The following HHAT variants were observed in gnomAD, a reference collection of about 807,000 sequenced individuals.
The protein encoded by HHAT is protein-cysteine N-palmitoyltransferase HHAT.
HHAT carries 47 observed loss-of-function variants against 70.8 expected under a neutral mutation model. The observed-to-expected ratio is 0.66, with a 90% confidence interval of 0.53 to 0.85. The LOEUF is 0.85. HHAT is among the 40% of genes least tolerant of loss of function. HHAT has a pLI of 0.00. For synonymous variants in HHAT, 228 were observed against 247.6 expected, an observed-to-expected ratio of 0.92 and a Z score of 0.74; for missense variants, 609 against 604.8, an observed-to-expected ratio of 1.01 and a Z score of -0.07.
At chr1:210,435,044 C>T (rs12745578) in intron 7 of HHAT, among the ~76,000 whole-genome samples, 16,794 of 151,704 alleles carry the variant, frequency 0.11, 1,121 homozygotes, top group Non-Finnish European at 0.14. Context: ...ACTATAGTTA[C>T]CCTGTTGATC....
At chr1:210,360,601 C>T (rs747487753) in intron 2 of HHAT, among the ~76,000 whole-genome samples, 2 of 152,082 alleles carry the variant, frequency 1.3e-5, no homozygotes, top group African/African-American at 2.4e-5. Context: ...TGAGCTACCG[C>T]GCCTGGCCGA....
chr1:210,458,077 G>A (rs894361205), intron 7 of HHAT, among the ~76,000 whole-genome samples: 41 of 152,308 alleles, frequency 2.7e-4, no homozygotes, highest in Non-Finnish European at 2.2e-4. Flanking sequence ...AAATTTATAT[G>A]TAGAGAAGGT....
intron 11 of HHAT, among the ~76,000 whole-genome samples, chr1:210,667,689 A>G (rs1679207045): frequency 6.6e-6 from 1 of 152,112 alleles, no homozygotes; most frequent in South Asian, 2.1e-4. Context: ...CCCCTGCACA[A>G]CCTGTCGCCG....
chr1:210,371,737 C>T (rs1419422316), intron 3 of HHAT, among the ~76,000 whole-genome samples: 1 of 152,170 alleles, frequency 6.6e-6, no homozygotes, highest in Admixed American at 6.5e-5. Context: ...AAGGCCTAAC[C>T]TCTGTAAACT....
intron 7 of HHAT, among the ~76,000 whole-genome samples, chr1:210,428,404 A>G (rs1430922539): frequency 6.8e-6 from 1 of 146,186 alleles, no homozygotes; most frequent in Non-Finnish European, 1.5e-5. Flanking sequence ...ACATTACTAA[A>G]TTTTCGTTCT....
intron 9 of HHAT, among the ~76,000 whole-genome samples, chr1:210,583,992 G>T (rs1573510492): frequency 8.8e-6 from 1 of 113,356 alleles, no homozygotes; most frequent in Admixed American, 1.3e-4. Context: ...TCACTCTGTT[G>T]CCCAGGCTGG....
chr1:210,507,554 T>G (rs1227170533), intron 8 of HHAT, among the ~76,000 whole-genome samples: 1 of 151,770 alleles, frequency 6.6e-6, no homozygotes. Flanking sequence ...AGAAACAGGG[T>G]TTCATCATTT....
intron 7 of HHAT, among the ~76,000 whole-genome samples, chr1:210,444,582 T>C (rs199579010): frequency 1.6e-4 from 25 of 151,562 alleles, no homozygotes; most frequent in African/African-American, 6.0e-4. Context: ...TGGGAGAGTG[T>C]ATGTGTCCAG....
At chr1:210,402,149 G>A (rs2092106267) in intron 5 of HHAT, among the ~76,000 whole-genome samples, 1 of 152,194 alleles carries the variant, frequency 6.6e-6, no homozygotes, top group African/African-American at 2.4e-5. Context: ...AAGGAGAAAT[G>A]CATGGCAAGA....
At chr1:210,412,882 CA>C (rs1411299632) in intron 6 of HHAT, among the ~76,000 whole-genome samples, 3 of 152,226 alleles carry the variant, frequency 2.0e-5, no homozygotes, top group African/African-American at 7.2e-5. Flanking sequence ...GAGGCAGCCA[CA>C]CCCCCTCACA....
At chr1:210,538,598 T>G (rs778588339) in intron 9 of HHAT, among the ~76,000 whole-genome samples, 4 of 152,152 alleles carry the variant, frequency 2.6e-5, no homozygotes, top group Non-Finnish European at 5.9e-5. Context: ...AATACTCCTA[T>G]GAGGAAGACA....
At chr1:210,476,161 T>A in intron 8 of HHAT, among the ~76,000 whole-genome samples, 1 of 152,266 alleles carries the variant, frequency 6.6e-6, no homozygotes, top group East Asian at 1.9e-4. Context: ...ATCCTTTTTG[T>A]GAGTCCTGAG....
At chr1:210,605,376 T>C (rs976882319) in intron 10 of HHAT, among the ~76,000 whole-genome samples, 23 of 152,322 alleles carry the variant, frequency 1.5e-4, no homozygotes, top group African/African-American at 5.1e-4. Context: ...AAACCCCTCC[T>C]ACTTAGATCA....
chr1:210,571,061 A>C (rs1558185002), intron 9 of HHAT, among the ~76,000 whole-genome samples: 2 of 152,238 alleles, frequency 1.3e-5, no homozygotes. Flanking sequence ...CGTCGAATTG[A>C]AAAAGGGTCT....
At chr1:210,444,597 T>G (rs551188972) in intron 7 of HHAT, among the ~76,000 whole-genome samples, 1 of 151,888 alleles carries the variant, frequency 6.6e-6, no homozygotes, top group East Asian at 2.0e-4. Context: ...GTCCAGGAAT[T>G]TATCCATTTC....
chr1:210,586,502 T>C (rs186069678), intron 9 of HHAT, among the ~76,000 whole-genome samples: 112 of 152,248 alleles, frequency 7.4e-4, no homozygotes, highest in African/African-American at 2.6e-3. Flanking sequence ...TAAAAACAAT[T>C]TTATTTCCTC....
chr1:210,602,004 T>C (rs1159446935), intron 10 of HHAT, among the ~76,000 whole-genome samples: 1 of 149,550 alleles, frequency 6.7e-6, no homozygotes, highest in African/African-American at 2.5e-5. Context: ...CACACACGCA[T>C]GCAAAGAGAA....
chr1:210,429,778 C>T (rs932752129), intron 7 of HHAT, among the ~76,000 whole-genome samples: 4 of 151,792 alleles, frequency 2.6e-5, no homozygotes, highest in Admixed American at 2.0e-4. Context: ...TAGCAAGCAA[C>T]ATGTGAGGTG....
At chr1:210,638,791 G>A (rs998557772) in intron 11 of HHAT, among the ~76,000 whole-genome samples, 2 of 150,922 alleles carry the variant, frequency 1.3e-5, no homozygotes, top group African/African-American at 4.9e-5. Context: ...TGTAGTCCCA[G>A]CTTCTCTGGA....
Sources: gnomAD v4.1 joint callset for allele counts (sites outside exome capture counted in the v4.1 genomes callset) on GRCh38, gnomAD v4.1.1 for gene constraint, MANE v1.5 for transcripts, NCBI Gene and HGNC (gene_info 2026-07-23, HGNC 2026-07-21) for gene names.